Variants in SHISA9 observed in about 807,000 individuals in gnomAD.
The protein encoded by SHISA9 is protein shisa-9.
A neutral mutation model predicts 38.0 loss-of-function variants in SHISA9; 13 were observed. The ratio of observed to expected loss-of-function variants is 0.34; its 90% CI spans 0.22 to 0.54. SHISA9 has a LOEUF of 0.54. SHISA9 is among the 20% of genes least tolerant of loss of function. The pLI is 0.91. For missense variants in SHISA9, 538 were observed against 575.8 expected (o/e 0.93, Z 0.67); for synonymous variants, 275 against 242.0 (o/e 1.14, Z -1.27).
chr16:12,979,704 A>G (rs1445842622), intron 2 of SHISA9, among the ~76,000 whole-genome samples: 6 of 152,144 alleles, frequency 3.9e-5, no homozygotes, highest in Non-Finnish European at 8.8e-5. Context: ...AGATTTATCT[A>G]TAACGTTGTG....
At chr16:13,470,436 C>A in the SHISA9 span, among the ~76,000 whole-genome samples, 1 of 152,162 alleles carries the variant, frequency 6.6e-6, no homozygotes, top group Non-Finnish European at 1.5e-5. Context: ...CTCACAGTTC[C>A]ACATGGCTGG....
chr16:13,131,506 A>C (rs2050306505), intron 2 of SHISA9, among the ~76,000 whole-genome samples: 1 of 152,110 alleles, frequency 6.6e-6, no homozygotes, highest in African/African-American at 2.4e-5. Flanking sequence ...AAGAATAGCT[A>C]ATGGATGCTG....
chr16:13,320,329 AAC>A, the SHISA9 span, among the ~76,000 whole-genome samples: 1 of 147,466 alleles, frequency 6.8e-6, no homozygotes, highest in Non-Finnish European at 1.5e-5. Context: ...AAGTAGGCAA[AAC>A]AGCAATAGGC....
rs144384523 is a variant in SHISA9, at chr16:13,182,984, C to G, written c.692-20410C>G. On this transcript the variant is annotated intron_variant, in intron 2 of 4. Coordinates refer to ENST00000558583, the MANE Select transcript of SHISA9 (RefSeq NM_001145204.3). ...TCTGGCAATGGATACTGGCTGTCATCTGGAACTTCAGCTAGGGCTGTTGGC... is the reference window on the plus strand; with the variant it reads ...TCTGGCAATGGATACTGGCTGTCATGTGGAACTTCAGCTAGGGCTGTTGGC... Among the ~76,000 whole-genome samples the G allele has an allele frequency of 6.4e-3, 970 of 152,340 alleles. 1 individual carries two copies. Among genetic ancestry groups the G allele is most frequent in the Admixed American group, 0.011 (164 of 15,308 alleles).
chr16:12,986,263 C>T (rs1053987788), intron 2 of SHISA9, among the ~76,000 whole-genome samples: 1 of 152,134 alleles, frequency 6.6e-6, no homozygotes, highest in Non-Finnish European at 1.5e-5. Context: ...CCTTTGGACA[C>T]AGGGAAAGGG....
intron 2 of SHISA9, among the ~76,000 whole-genome samples, chr16:13,026,084 C>A (rs923553506): frequency 6.6e-6 from 1 of 152,156 alleles, no homozygotes; most frequent in African/African-American, 2.4e-5. Context: ...GGATTACAGG[C>A]GTGAGCCACC....
At chr16:12,976,521 C>T (rs183796904) in intron 2 of SHISA9, among the ~76,000 whole-genome samples, 9 of 152,216 alleles carry the variant, frequency 5.9e-5, no homozygotes, top group African/African-American at 1.7e-4. Flanking sequence ...ATTCCTATTC[C>T]GCTCCTGTGT....
chr16:13,379,687 C>T, the SHISA9 span, among the ~76,000 whole-genome samples: 3 of 152,146 alleles, frequency 2.0e-5, no homozygotes, highest in Non-Finnish European at 4.4e-5. Context: ...TTTCGAATTC[C>T]TCCGCGGTGG....
chr16:13,418,910 C>T, the SHISA9 span, among the ~76,000 whole-genome samples: 438 of 152,312 alleles, frequency 2.9e-3, 2 homozygotes, highest in African/African-American at 9.9e-3. Flanking sequence ...TTAGTGACCA[C>T]AGCTAATAGC....
intron 2 of SHISA9, among the ~76,000 whole-genome samples, chr16:13,149,190 G>A (rs557182698): frequency 1.3e-4 from 20 of 152,268 alleles, no homozygotes; most frequent in Admixed American, 9.2e-4. Flanking sequence ...TCTGAAAAAT[G>A]ATCCTATCTT....
At chr16:13,075,220 A>G (rs1203479450) in intron 2 of SHISA9, among the ~76,000 whole-genome samples, 1 of 152,180 alleles carries the variant, frequency 6.6e-6, no homozygotes, top group Non-Finnish European at 1.5e-5. Context: ...GGACATGGGA[A>G]TTTCCTAATC....
At chr16:13,496,426 T>C in the SHISA9 span, among the ~76,000 whole-genome samples, 1 of 152,114 alleles carries the variant, frequency 6.6e-6, no homozygotes, top group African/African-American at 2.4e-5. Context: ...TAGAATAAGA[T>C]GAAAGTGTCT....
intron 2 of SHISA9, among the ~76,000 whole-genome samples, chr16:13,022,077 A>G (rs185499477): frequency 1.3e-5 from 2 of 152,136 alleles, no homozygotes; most frequent in East Asian, 3.9e-4. Flanking sequence ...TTGTGGGTGC[A>G]TAATTCCATT....
the SHISA9 span, among the ~76,000 whole-genome samples, chr16:13,299,808 C>A: frequency 6.6e-6 from 1 of 152,090 alleles, no homozygotes; most frequent in South Asian, 2.1e-4. Flanking sequence ...CTGTTCAAAT[C>A]TTTGCTATGC....
chr16:13,025,176 T>G (rs1416976190), intron 2 of SHISA9, among the ~76,000 whole-genome samples: 1 of 152,232 alleles, frequency 6.6e-6, no homozygotes, highest in East Asian at 1.9e-4. Context: ...AATTGTCTAT[T>G]TATTATACAG....
intron 2 of SHISA9, among the ~76,000 whole-genome samples, chr16:13,008,676 TCC>T (rs1275017882): frequency 2.0e-4 from 17 of 85,526 alleles, no homozygotes; most frequent in Non-Finnish European, 2.0e-4. Flanking sequence ...CCTCCCTCCC[TCC>T]CTCTCTCTCT....
At chr16:13,042,506 C>G (rs898325898) in intron 2 of SHISA9, among the ~76,000 whole-genome samples, 1 of 152,204 alleles carries the variant, frequency 6.6e-6, no homozygotes, top group South Asian at 2.1e-4. Flanking sequence ...CTCAGTTGTT[C>G]TCATCAAAGT....
chr16:13,360,451 C>T, the SHISA9 span, among the ~76,000 whole-genome samples: 1 of 152,152 alleles, frequency 6.6e-6, no homozygotes, highest in Non-Finnish European at 1.5e-5. Flanking sequence ...CCCCCATGCT[C>T]TTCTCATGAT....
At chr16:13,057,282 C>T (rs966771444) in intron 2 of SHISA9, among the ~76,000 whole-genome samples, 16 of 152,158 alleles carry the variant, frequency 1.1e-4, no homozygotes, top group African/African-American at 3.9e-4. Context: ...TGGGATGGGA[C>T]TCTCATTTAT....
Sources: gnomAD v4.1 joint callset for allele counts (sites outside exome capture counted in the v4.1 genomes callset) on GRCh38, gnomAD v4.1.1 for gene constraint, MANE v1.5 for transcripts, NCBI Gene and HGNC (gene_info 2026-07-23, HGNC 2026-07-21) for gene names.